Variants in IPCEF1 observed in about 807,000 individuals in gnomAD.
The protein encoded by IPCEF1 is interaction protein for cytohesin exchange factors 1, also known as interactor protein for cytohesin exchange factors 1.
In IPCEF1, 31 loss-of-function variants were observed where a neutral mutation model predicts 50.9. That is an observed-to-expected ratio of 0.61 (90% confidence interval 0.46 to 0.82). The LOEUF (loss-of-function observed/expected upper bound fraction) is 0.82. IPCEF1 is among the 40% of genes least tolerant of loss of function. IPCEF1 has a pLI of 0.00. For missense variants in IPCEF1, 458 were observed against 514.0 expected (o/e 0.89, Z 1.05); for synonymous variants, 181 against 192.0 (o/e 0.94, Z 0.47).
At chr6:154,354,477 C>T (rs1784178332) in intron 1 of IPCEF1, among the ~76,000 whole-genome samples, 2 of 152,094 alleles carry the variant, frequency 1.3e-5, no homozygotes, top group African/African-American at 4.8e-5. Flanking sequence ...CCACAACCAC[C>T]TCCACCATCT....
chr6:154,315,037 C>T (rs747178219), intron 1 of IPCEF1, among the ~76,000 whole-genome samples: 8 of 152,094 alleles, frequency 5.3e-5, no homozygotes, highest in Non-Finnish European at 8.8e-5. Flanking sequence ...TGTGCTACCA[C>T]GACCAGCTAA....
At chr6:154,317,543 C>G (rs1783252687) in intron 1 of IPCEF1, among the ~76,000 whole-genome samples, 1 of 72,802 alleles carries the variant, frequency 1.4e-5, no homozygotes, top group South Asian at 7.1e-4. Flanking sequence ...TGAGAGACTC[C>G]ATCTCAAAAA....
chr6:154,340,910 T>A (rs1408334013), intron 1 of IPCEF1, among the ~76,000 whole-genome samples: 2 of 105,418 alleles, frequency 1.9e-5, no homozygotes, highest in Non-Finnish European at 3.9e-5. Context: ...AATATATATA[T>A]GTGTGTATAT....
intron 3 of IPCEF1, 65 bp from the exon 4 acceptor site, chr6:154,247,553 G>A: frequency 7.1e-7 from 1 of 1,412,602 alleles, no homozygotes; most frequent in Non-Finnish European, 1.0e-6. Context: ...TGTAAAGAGA[G>A]AAGGAGGGAG....
chr6:154,276,384 G>A (rs1427938678), intron 2 of IPCEF1, among the ~76,000 whole-genome samples: 1 of 152,112 alleles, frequency 6.6e-6, no homozygotes, highest in African/African-American at 2.4e-5. Flanking sequence ...GTGCCCAAGG[G>A]TTATCAGACA....
rs115896414 is a variant in IPCEF1 at position 154,224,868 on chromosome 6, T to A, written c.247-1625A>T. ...TATGCAGCTTCTCTCTTGACAGCCTTCTTAATTACTGGATGCTGATTCTCG... is the reference window on the plus strand; with the variant it reads ...TATGCAGCTTCTCTCTTGACAGCCTACTTAATTACTGGATGCTGATTCTCG... On this transcript the variant is annotated intron_variant, in intron 5 of 11. Transcript: ENST00000367220. Among the ~76,000 whole-genome samples the A allele has an allele frequency of 4.7e-3, 709 of 152,312 alleles. 7 individuals are homozygous for A. Among genetic ancestry groups the A allele is most frequent in the African/African-American group, 0.017 (686 of 41,564 alleles).
intron 5 of IPCEF1, among the ~76,000 whole-genome samples, 196 bp from the exon 6 acceptor site, chr6:154,223,439 C>G (rs1456565989): frequency 6.6e-6 from 1 of 152,134 alleles, no homozygotes; most frequent in Non-Finnish European, 1.5e-5. Context: ...TGATAAGTCA[C>G]CCAGAATCTT....
intron 1 of IPCEF1, among the ~76,000 whole-genome samples, chr6:154,352,167 G>A (rs900506696): frequency 1.3e-5 from 2 of 152,082 alleles, no homozygotes; most frequent in Non-Finnish European, 2.9e-5. Flanking sequence ...AAAAGAAATT[G>A]TAAATGTAAC....
chr6:154,232,328 T>C (rs1390543124), intron 5 of IPCEF1, among the ~76,000 whole-genome samples: 2 of 152,230 alleles, frequency 1.3e-5, no homozygotes, highest in Non-Finnish European at 2.9e-5. Context: ...GGGAGTGTGC[T>C]TGGAATCCTT....
At chr6:154,341,009 TC>T (rs1442839959) in intron 1 of IPCEF1, among the ~76,000 whole-genome samples, 2 of 151,966 alleles carry the variant, frequency 1.3e-5, no homozygotes, top group Non-Finnish European at 2.9e-5. Flanking sequence ...ATTGGTTAGG[TC>T]CAAAAGGCAG....
At chr6:154,167,334 T>C (rs1479190935) in intron 11 of IPCEF1, among the ~76,000 whole-genome samples, 1 of 152,182 alleles carries the variant, frequency 6.6e-6, no homozygotes, top group Non-Finnish European at 1.5e-5. Flanking sequence ...TTTCCCTTAT[T>C]CCCATTGTGA....
chr6:154,295,508 G>A (rs1176494353), intron 1 of IPCEF1, among the ~76,000 whole-genome samples: 1 of 151,702 alleles, frequency 6.6e-6, no homozygotes, highest in Non-Finnish European at 1.5e-5. Context: ...TCATTGATGA[G>A]GACTTTCCAT....
At chr6:154,259,846 T>C (rs930958642) in intron 3 of IPCEF1, among the ~76,000 whole-genome samples, 1 of 152,130 alleles carries the variant, frequency 6.6e-6, no homozygotes, top group Non-Finnish European at 1.5e-5. Flanking sequence ...TCAAGTCTCC[T>C]GTTTTTGACC....
At chr6:154,253,283 C>T (rs1345474426) in intron 3 of IPCEF1, among the ~76,000 whole-genome samples, 1 of 152,148 alleles carries the variant, frequency 6.6e-6, no homozygotes, top group Non-Finnish European at 1.5e-5. Context: ...AGAGATTTAT[C>T]TTCCTCAGCC....
In IPCEF1 at chr6:154,158,908, G is replaced by GT. The variant is rs911149934; in HGVS notation, c.*919dup. ...TCTTTTGTTGCTTCCATGGGTTTTT[G>GT]TTTTTTTGTTTTTTTGAGTAAAGAT... On this transcript the variant is annotated 3_prime_UTR_variant, in exon 12 of 12. Coordinates refer to ENST00000367220, the MANE Select transcript of IPCEF1 (RefSeq NM_001130700.2). The GT allele has an allele frequency of 1.3e-5, 2 of 151,516 alleles. No individual in the cohort carries two copies. Among genetic ancestry groups the GT allele is most frequent in the South Asian group, 2.1e-4 (1 of 4,804 alleles). 9.4% of individuals were successfully genotyped at this position (151,516 alleles called of 1,614,324 possible). A position where few individuals can be genotyped will look rare whatever the true frequency, so the allele number is the denominator to read the frequency against.
chr6:154,201,081 T>A (rs1777032273), intron 9 of IPCEF1, among the ~76,000 whole-genome samples: 1 of 152,198 alleles, frequency 6.6e-6, no homozygotes, highest in Admixed American at 6.5e-5. Flanking sequence ...GCTGCCACCA[T>A]GTAAGATGTG....
chr6:154,272,699 C>T (rs1392700835), intron 2 of IPCEF1, among the ~76,000 whole-genome samples: 1 of 152,146 alleles, frequency 6.6e-6, no homozygotes. Context: ...TCACAAATTG[C>T]ATGCTTCTTA....
At chr6:154,250,443 T>A (rs1781309644) in intron 3 of IPCEF1, among the ~76,000 whole-genome samples, 1 of 152,246 alleles carries the variant, frequency 6.6e-6, no homozygotes, top group Non-Finnish European at 1.5e-5. Flanking sequence ...TGCCCTAACT[T>A]ACTTCTAAAG....
chr6:154,326,123 G>T lies in IPCEF1; in HGVS notation c.-62+30549C>A, dbSNP rs932066012. Reference sequence around the variant, plus strand: ...TGCCTGTGGTCCCAGCTACTTGGGAGGCTGAGGTGGGAGGCTTGAGCCCAG... The same window carrying T: ...TGCCTGTGGTCCCAGCTACTTGGGATGCTGAGGTGGGAGGCTTGAGCCCAG... On this transcript the variant is annotated intron_variant, in intron 1 of 11. Coordinates refer to ENST00000367220, the MANE Select transcript of IPCEF1 (RefSeq NM_001130700.2). Among the ~76,000 whole-genome samples the T allele has an allele frequency of 4.0e-5, 6 of 151,868 alleles. No individual in the cohort carries two copies. The South Asian group carries it at 1.2e-3, about 31-fold the overall frequency.
Sources: allele counts gnomAD v4.1 joint callset (sites outside exome capture counted in the v4.1 genomes callset), GRCh38; gene constraint gnomAD v4.1.1; transcripts MANE v1.5; gene names NCBI Gene and HGNC (gene_info 2026-07-23, HGNC 2026-07-21).